Variants in CHODL observed in about 807,000 individuals in gnomAD.
The protein encoded by CHODL is chondrolectin, also known as transmembrane protein MT75.
Under a neutral mutation model 34.5 loss-of-function variants are expected in CHODL, and 29 were observed. The ratio of observed to expected loss-of-function variants is 0.84; its 90% CI spans 0.63 to 1.15. The LOEUF is 1.15. CHODL is among the 50% of genes most tolerant of loss of function. The pLI is 0.00. For synonymous variants in CHODL, 125 were observed against 116.1 expected, an observed-to-expected ratio of 1.08 and a Z score of -0.49; for missense variants, 332 against 332.5, an observed-to-expected ratio of 1.00 and a Z score of 0.01.
intron 2 of CHODL, among the ~76,000 whole-genome samples, chr21:18,198,580 C>T (rs1302643228): frequency 6.6e-6 from 1 of 152,046 alleles, no homozygotes; most frequent in South Asian, 2.1e-4. Flanking sequence ...TCCAAACTCC[C>T]AAAGAGCAGA....
At chr21:18,153,827 A>G (rs1244915838) in intron 2 of CHODL, among the ~76,000 whole-genome samples, 1 of 152,152 alleles carries the variant, frequency 6.6e-6, no homozygotes, top group African/African-American at 2.4e-5. Flanking sequence ...GATTTCCTCT[A>G]AAATATCAGT....
intron 2 of CHODL, among the ~76,000 whole-genome samples, chr21:18,065,324 T>C (rs2064718145): frequency 6.6e-6 from 1 of 152,192 alleles, no homozygotes; most frequent in Admixed American, 6.6e-5. Flanking sequence ...CTCTAAACCC[T>C]AACAGACTGC....
intron 1 of CHODL, among the ~76,000 whole-genome samples, chr21:17,988,930 G>A (rs2063776277): frequency 6.6e-6 from 1 of 152,090 alleles, no homozygotes; most frequent in Admixed American, 6.5e-5. Flanking sequence ...GGGATGGCTG[G>A]GTCAAATGGT....
intron 1 of CHODL, among the ~76,000 whole-genome samples, chr21:17,918,360 CA>C (rs201212647): frequency 0.014 from 2,082 of 152,056 alleles, 50 homozygotes; most frequent in African/African-American, 0.047. Flanking sequence ...GGCCAATTTA[CA>C]AAAGAAAGAG....
intron 2 of CHODL, among the ~76,000 whole-genome samples, chr21:18,117,545 T>C (rs1180696260): frequency 6.6e-6 from 1 of 152,060 alleles, no homozygotes; most frequent in Non-Finnish European, 1.5e-5. Context: ...ATTTTACTCA[T>C]TCATAAAAAA....
rs11415506 is a variant in CHODL at position 18,122,548 on chromosome 21, A to ATTT, written c.-45+94586_-45+94588dup. Among the ~76,000 whole-genome samples, 44 of 150,098 alleles carry ATTT rather than the reference A, an allele frequency of 2.9e-4. No homozygotes were observed. In the East Asian group the frequency reaches 7.6e-3, roughly 26 times the overall value. On this transcript the variant is annotated intron_variant, in intron 2 of 6. Transcript: ENST00000400127. Reference sequence around the variant, plus strand: ...ATCCCTACCAACATATTTCTGCTCAATTTTTTTTTTTACTATTTTAATGGG... The same window carrying ATTT: ...ATCCCTACCAACATATTTCTGCTCAATTTTTTTTTTTTTTACTATTTTAATGGG...
At chr21:18,211,141 T>TACACGC (rs1555882924) in intron 2 of CHODL, among the ~76,000 whole-genome samples, 1 of 148,686 alleles carries the variant, frequency 6.7e-6, no homozygotes, top group African/African-American at 2.5e-5. Context: ...TACACATGGA[T>TACACGC]ACACACACAC....
At chr21:18,142,619 C>T (rs55813984) in intron 2 of CHODL, among the ~76,000 whole-genome samples, 1,689 of 152,260 alleles carry the variant, frequency 0.011, 34 homozygotes, top group African/African-American at 0.037. Context: ...GAGACCACTT[C>T]AGATCCATTT....
At chr21:17,924,597 G>A (rs1205827053) in intron 1 of CHODL, among the ~76,000 whole-genome samples, 5 of 152,192 alleles carry the variant, frequency 3.3e-5, no homozygotes, top group Non-Finnish European at 7.3e-5. Context: ...AGCTGGGAGA[G>A]AAGAGAAGTT....
At chr21:17,924,782 T>G (rs1600969605) in intron 1 of CHODL, among the ~76,000 whole-genome samples, 1 of 150,758 alleles carries the variant, frequency 6.6e-6, no homozygotes, top group African/African-American at 2.5e-5. Context: ...CAGAAATAAG[T>G]TTTTCTTTTT....
In CHODL at chr21:18,133,310, A is replaced by C. The variant is rs549291618; in HGVS notation, c.-45+105339A>C. On this transcript the variant is annotated intron_variant, in intron 2 of 6. Transcript: ENST00000400127. The stretch of plus-strand genomic sequence containing the variant: ...GCCTGCATGTACACCTAGATATATA[A>C]TTATGTAACTTAAGTGGTCCAATTC... 2.6e-5 allele frequency among the ~76,000 whole-genome samples: 4 copies of C among 152,284 alleles called. No homozygotes were observed. In the South Asian group the frequency reaches 8.3e-4, roughly 32 times the overall value.
intron 1 of CHODL, among the ~76,000 whole-genome samples, chr21:17,945,389 A>G (rs2063398968): frequency 6.6e-6 from 1 of 152,132 alleles, no homozygotes; most frequent in South Asian, 2.1e-4. Flanking sequence ...AAGTGAGAAT[A>G]TTGACAAGAA....
intron 1 of CHODL, among the ~76,000 whole-genome samples, chr21:17,972,119 C>T (rs185225961): frequency 4.6e-5 from 7 of 152,248 alleles, no homozygotes; most frequent in Non-Finnish European, 8.8e-5. Flanking sequence ...TAAAAACTCT[C>T]AATAAACTAG....
At chr21:18,134,472 A>G (rs2072696194) in intron 2 of CHODL, 1 of 452,404 alleles carries the variant, frequency 2.2e-6, no homozygotes, top group Non-Finnish European at 4.5e-6. Flanking sequence ...TTCAGACTGA[A>G]TACATTGAAC....
At chr21:18,215,241 A>T (rs2073813596) in intron 2 of CHODL, among the ~76,000 whole-genome samples, 1 of 151,678 alleles carries the variant, frequency 6.6e-6, no homozygotes, top group South Asian at 2.1e-4. Context: ...TGCTTTGGGA[A>T]CTCCTCTTCT....
intron 2 of CHODL, among the ~76,000 whole-genome samples, chr21:18,211,088 C>A (rs970279033): frequency 2.6e-5 from 4 of 151,746 alleles, no homozygotes; most frequent in African/African-American, 7.3e-5. Flanking sequence ...ATACACCTGC[C>A]TCTTTTCCTT....
chr21:17,938,569 C>G (rs1199262023), intron 1 of CHODL, among the ~76,000 whole-genome samples: 2 of 149,124 alleles, frequency 1.3e-5, no homozygotes, highest in Non-Finnish European at 3.0e-5. Context: ...AGCTCCGCCT[C>G]CCGGGTTCGC....
intron 2 of CHODL, among the ~76,000 whole-genome samples, chr21:18,225,682 T>G (rs983448026): frequency 6.6e-6 from 1 of 152,082 alleles, no homozygotes; most frequent in Non-Finnish European, 1.5e-5. Flanking sequence ...AGAATACATA[T>G]TTATTTTTTC....
At chr21:18,075,197 C>G (rs75709256) in intron 2 of CHODL, among the ~76,000 whole-genome samples, 2,117 of 152,260 alleles carry the variant, frequency 0.014, 17 homozygotes, top group Non-Finnish European at 0.018. Context: ...AAAGAATGCT[C>G]TCAGCCTCAT....
Sources: allele counts gnomAD v4.1 joint callset (sites outside exome capture counted in the v4.1 genomes callset), GRCh38; gene constraint gnomAD v4.1.1; transcripts MANE v1.5; gene names NCBI Gene and HGNC (gene_info 2026-07-23, HGNC 2026-07-21).